Variants in NSG1 observed in about 807,000 individuals in gnomAD.
The protein encoded by NSG1 is neuronal vesicle trafficking associated 1.
NSG1 carries 9 observed loss-of-function variants against 19.3 expected under a neutral mutation model. The ratio of observed to expected loss-of-function variants is 0.47; its 90% confidence interval spans 0.28 to 0.81. NSG1 has a LOEUF of 0.81. Ranked by LOEUF, NSG1 falls within the 40% of genes least tolerant of loss-of-function variation. NSG1 has a pLI of 0.11. For synonymous variants in NSG1, 104 were observed against 107.0 expected (o/e 0.97, Z 0.17); for missense variants, 236 against 242.4 (o/e 0.97, Z 0.18).
chr4:4,386,969 ACGCGCG>A (rs1722748467), upstream of NSG1: 1 of 151,680 alleles, frequency 6.6e-6, no homozygotes, highest in Non-Finnish European at 1.5e-5. Context: ...GCGCGGCCAC[ACGCGCG>A]CACCCACCCG....
intron 2 of NSG1, among the ~76,000 whole-genome samples, chr4:4,389,966 C>G (rs768618225): frequency 6.6e-6 from 1 of 152,172 alleles, no homozygotes; most frequent in Non-Finnish European, 1.5e-5. Context: ...GAAATGCAGG[C>G]ACGGAGAGTT....
chr4:4,403,869 G>A (rs932294496), intron 3 of NSG1, among the ~76,000 whole-genome samples: 8 of 152,240 alleles, frequency 5.3e-5, no homozygotes, highest in Non-Finnish European at 7.3e-5. Context: ...GTTTTGGTGT[G>A]AGAGTATAAA....
chr4:4,412,171 G>C (rs543944184), intron 4 of NSG1, among the ~76,000 whole-genome samples: 1 of 152,170 alleles, frequency 6.6e-6, no homozygotes, highest in Admixed American at 6.5e-5. Flanking sequence ...CTGTTATGCC[G>C]CGTGTGGCTG....
chr4:4,401,609 G>A (rs938952851), intron 3 of NSG1, among the ~76,000 whole-genome samples: 4 of 152,014 alleles, frequency 2.6e-5, no homozygotes, highest in East Asian at 1.9e-4. Flanking sequence ...AGCAGTTCTC[G>A]CCCTGTGTTG....
chr4:4,412,265 A>G (rs1435757778), intron 4 of NSG1, among the ~76,000 whole-genome samples: 2 of 151,874 alleles, frequency 1.3e-5, no homozygotes, highest in Non-Finnish European at 1.5e-5. Flanking sequence ...GTCCCGCTGG[A>G]TACCTGGCCT....
At chr4:4,396,321 C>T (rs984485097) in intron 3 of NSG1, among the ~76,000 whole-genome samples, 5 of 152,192 alleles carry the variant, frequency 3.3e-5, no homozygotes, top group African/African-American at 1.2e-4. Context: ...TCAGGGCCCG[C>T]TCCAGCCCTT....
intron 3 of NSG1, among the ~76,000 whole-genome samples, chr4:4,398,509 A>G (rs529734294): frequency 2.6e-5 from 4 of 152,126 alleles, no homozygotes; most frequent in African/African-American, 7.2e-5. Context: ...TACCTATTCT[A>G]GACATGTCAT....
intron 4 of NSG1, among the ~76,000 whole-genome samples, chr4:4,413,067 A>G (rs939921188): frequency 1.4e-5 from 2 of 147,078 alleles, no homozygotes; most frequent in Non-Finnish European, 3.0e-5. Flanking sequence ...TTGGGCAGGC[A>G]TGTACATGGC....
intron 4 of NSG1, among the ~76,000 whole-genome samples, chr4:4,412,629 G>A (rs574261145): frequency 9.9e-5 from 15 of 152,178 alleles, no homozygotes; most frequent in African/African-American, 3.4e-4. Context: ...ATATTTGTGC[G>A]TGTGTTTGTC....
At chr4:4,389,155 C>G (rs1722878442) in intron 2 of NSG1, among the ~76,000 whole-genome samples, 1 of 152,264 alleles carries the variant, frequency 6.6e-6, no homozygotes, top group Non-Finnish European at 1.5e-5. Context: ...AGGTGATTCC[C>G]CTCACTTGGC....
chr4:4,406,914 T>A (rs993012119), intron 3 of NSG1, among the ~76,000 whole-genome samples: 18 of 152,242 alleles, frequency 1.2e-4, no homozygotes, highest in African/African-American at 4.3e-4. Context: ...GGCTGCCACG[T>A]GCCTCAGACG....
intron 3 of NSG1, among the ~76,000 whole-genome samples, chr4:4,394,632 C>T (rs570618966): frequency 3.9e-5 from 6 of 152,304 alleles, no homozygotes; most frequent in East Asian, 1.9e-4. Flanking sequence ...TGCTTAGGGA[C>T]TCTTTGTGCA....
At chr4:4,400,332 T>C (rs1257683894) in intron 3 of NSG1, among the ~76,000 whole-genome samples, 1 of 152,236 alleles carries the variant, frequency 6.6e-6, no homozygotes, top group Non-Finnish European at 1.5e-5. Flanking sequence ...TCTCGTCTTA[T>C]GCTAATACCA....
chr4:4,401,420 ATGC>A (rs1293170343), intron 3 of NSG1, among the ~76,000 whole-genome samples: 1 of 152,086 alleles, frequency 6.6e-6, no homozygotes, highest in Admixed American at 6.5e-5. Context: ...AGGGTGTGCG[ATGC>A]TGCAGCCACA....
rs374390238 is a variant in NSG1, at chr4:4,409,785, C to A, written c.357+102C>A. Reference sequence around the variant, plus strand: ...CCTGCCGTCTCCCCCAGCTGGCCCACGGACAGGCCTTAGAGCAGCAGGGGG... The same window carrying A: ...CCTGCCGTCTCCCCCAGCTGGCCCAAGGACAGGCCTTAGAGCAGCAGGGGG... On this transcript the variant is annotated intron_variant, in intron 4 of 4. Coordinates refer to ENST00000621129, the MANE Select transcript of NSG1 (RefSeq NM_014392.5). 31 of 920,714 alleles carry A rather than the reference C, an allele frequency of 3.4e-5. No individual in the cohort carries two copies. The Admixed American group carries it at 5.6e-4, about 17-fold the overall frequency. The allele number at this position is 920,714 out of a possible 1,614,324, so 57.0% of individuals were successfully genotyped here.
chr4:4,398,569 C>G (rs1443932479), intron 3 of NSG1, among the ~76,000 whole-genome samples: 1 of 152,226 alleles, frequency 6.6e-6, no homozygotes, highest in Non-Finnish European at 1.5e-5. Flanking sequence ...TGGCCTCTTT[C>G]ACTTAGCATG....
chr4:4,409,726 A>T (rs1396530037), intron 4 of NSG1, 43 bp downstream of exon 4: 15 of 1,472,662 alleles, frequency 1.0e-5, no homozygotes, highest in Non-Finnish European at 1.3e-5. Flanking sequence ...ACGCCTTTGC[A>T]CCCCATGTTC....
Position 4,409,258 on chromosome 4 carries a change from C to T in NSG1, c.247-315C>T, listed in dbSNP as rs556074127. Among the ~76,000 whole-genome samples, 10 of 152,378 alleles carry T rather than the reference C, an allele frequency of 6.6e-5. No individual in the cohort carries two copies. The East Asian group carries it at 1.9e-3, about 29-fold the overall frequency. On this transcript the variant is annotated intron_variant, in intron 3 of 4. Transcript: ENST00000621129. ...ACTTCTCACACATGTGTCTTAGTGG[C>T]CCGAGAGCTGCCTGGGCAACAGTGG...
intron 3 of NSG1, among the ~76,000 whole-genome samples, chr4:4,394,643 G>A (rs1028014740): frequency 1.3e-5 from 2 of 152,214 alleles, no homozygotes; most frequent in Non-Finnish European, 2.9e-5. Flanking sequence ...TCTTTGTGCA[G>A]ACGGAACTTA....
Sources: allele counts gnomAD v4.1 joint callset (sites outside exome capture counted in the v4.1 genomes callset), GRCh38; gene constraint gnomAD v4.1.1; transcripts MANE v1.5; gene names NCBI Gene and HGNC (gene_info 2026-07-23, HGNC 2026-07-21).